ZNF563: variants seen among roughly 807,000 people sequenced by gnomAD.
ZNF563 encodes zinc finger protein 563.
In ZNF563, 39 loss-of-function variants were observed where a neutral mutation model predicts 48.5. The ratio of observed to expected loss-of-function variants is 0.80; its 90% CI spans 0.62 to 1.05. The LOEUF (loss-of-function observed/expected upper bound fraction) is 1.05. ZNF563 is among the 50% of genes least tolerant of loss of function. The pLI, the probability that ZNF563 is intolerant of heterozygous loss-of-function variation, is 0.00. For synonymous variants in ZNF563, 168 were observed against 187.9 expected (o/e 0.89, Z 0.87); for missense variants, 538 against 597.0 (o/e 0.90, Z 1.03).
chr19:12,332,059 G>A (rs1968931437), intron 1 of ZNF563, among the ~76,000 whole-genome samples: 1 of 152,254 alleles, frequency 6.6e-6, no homozygotes, highest in Non-Finnish European at 1.5e-5. Flanking sequence ...GGAAAAAAAT[G>A]ACAGTTAAAA....
chr19:12,333,508 G>A lies in ZNF563; in HGVS notation c.-26C>T. ...TTCCCGGCTTCCGGGATGTTCCAGGGTCCTCCCTCTGCCTCCCGCTGCCAG... is the reference window on the plus strand; with the variant it reads ...TTCCCGGCTTCCGGGATGTTCCAGGATCCTCCCTCTGCCTCCCGCTGCCAG... On this transcript the variant is annotated 5_prime_UTR_variant, in exon 1 of 4. Coordinates refer to ENST00000293725, the MANE Select transcript of ZNF563 (RefSeq NM_145276.3). 1 of 1,613,488 alleles carries A rather than the reference G, an allele frequency of 6.2e-7. No homozygotes were observed. The highest frequency in any genetic ancestry group is 8.5e-7 in the Non-Finnish European group (1 of 1,179,750).
At chr19:12,323,510 C>T (rs191704675) in intron 1 of ZNF563, among the ~76,000 whole-genome samples, 30 of 152,322 alleles carry the variant, frequency 2.0e-4, no homozygotes, top group Non-Finnish European at 2.5e-4. Context: ...TTAGGCACTC[C>T]GGCCCTTGCC....
chr19:12,343,823 C>T, the ZNF563 span, among the ~76,000 whole-genome samples: 391 of 150,608 alleles, frequency 2.6e-3, 2 homozygotes, highest in African/African-American at 9.2e-3. Context: ...CTCTGCCTCC[C>T]GGGTTCACGC....
the ZNF563 span, among the ~76,000 whole-genome samples, chr19:12,341,025 T>C: frequency 6.6e-6 from 1 of 151,942 alleles, no homozygotes; most frequent in Non-Finnish European, 1.5e-5. Flanking sequence ...TAAAAAGAAA[T>C]ACATGGACAA....
intron 1 of ZNF563, among the ~76,000 whole-genome samples, chr19:12,333,141 C>T (rs1425485625): frequency 1.3e-5 from 2 of 152,208 alleles, no homozygotes; most frequent in African/African-American, 2.4e-5. Flanking sequence ...CTCACAGGCA[C>T]GAACCCCACA....
intron 1 of ZNF563, among the ~76,000 whole-genome samples, chr19:12,333,079 C>T (rs1032310976): frequency 6.6e-6 from 1 of 152,144 alleles, no homozygotes; most frequent in African/African-American, 2.4e-5. Context: ...AGAGGGACAC[C>T]GGTCCCCTTT....
intron 1 of ZNF563, among the ~76,000 whole-genome samples, chr19:12,326,707 A>ATC (rs1968805969): frequency 6.6e-6 from 1 of 152,164 alleles, no homozygotes; most frequent in African/African-American, 2.4e-5. Flanking sequence ...GAAGCGGGAA[A>ATC]GGTCAGGGGA....
In ZNF563 at chr19:12,319,788, C is replaced by T. The variant is rs780654864; in HGVS notation, c.237G>A (p.Gln79=). 6.2e-7 allele frequency: 1 copy of T among 1,613,906 alleles called. No homozygotes were observed. The highest frequency in any genetic ancestry group is 8.5e-7 in the Non-Finnish European group (1 of 1,179,946). Residue 79 remains glutamine, a synonymous_variant, in exon 4 of 4, where the codon CAG becomes CAA. Transcript: ENST00000293725. ...GAATGAGGCTAAATGTTTCTCCACA[C>T]TGACTACTGTCTTTACTTTCACTGA... The part of the protein sequence containing the change: ...ERFSESKDSS[Q]CGETFSLIRD...
At chr19:12,346,880 A>G in the ZNF563 span, 3 of 152,232 alleles carry the variant, frequency 2.0e-5, no homozygotes, top group Non-Finnish European at 1.5e-5. Flanking sequence ...CTCTCTCTCT[A>G]TGAATAGTCA....
At chr19:12,327,374 C>T (rs528888452) in intron 1 of ZNF563, among the ~76,000 whole-genome samples, 2 of 150,086 alleles carry the variant, frequency 1.3e-5, no homozygotes, top group South Asian at 4.2e-4. Context: ...GCAGGAGAAT[C>T]GCTTGAACCC....
intron 1 of ZNF563, 33 bp from the exon 2 acceptor site, chr19:12,322,744 T>C (rs753164270): frequency 3.2e-6 from 5 of 1,554,688 alleles, no homozygotes; most frequent in Middle Eastern, 3.5e-4. Flanking sequence ...AGGAGAAAGG[T>C]TGAGTGACAG....
intron 1 of ZNF563, among the ~76,000 whole-genome samples, chr19:12,326,200 T>G (rs950394568): frequency 1.3e-5 from 2 of 151,930 alleles, no homozygotes; most frequent in African/African-American, 4.8e-5. Context: ...GAGGCAATGA[T>G]GAAGAAAAAA....
At chr19:12,337,808 T>G (rs1029667096), upstream of ZNF563, among the ~76,000 whole-genome samples, 3 of 152,098 alleles carry the variant, frequency 2.0e-5, no homozygotes, top group Admixed American at 2.0e-4. Context: ...AATATATTAG[T>G]GTAAAAACTC....
upstream of ZNF563, chr19:12,333,806 A>G (rs1968982286): frequency 4.5e-6 from 2 of 443,154 alleles, no homozygotes; most frequent in Admixed American, 3.9e-5. Flanking sequence ...AAGCGATCAC[A>G]CAGTGCTGAG....
At chr19:12,332,774 C>G (rs183345782) in intron 1 of ZNF563, among the ~76,000 whole-genome samples, 160 of 152,312 alleles carry the variant, frequency 1.1e-3, no homozygotes, top group Middle Eastern at 3.4e-3. Context: ...AAGTTCCATT[C>G]TATAAAATCA....
chr19:12,323,561 C>T (rs1384479202), intron 1 of ZNF563, among the ~76,000 whole-genome samples: 1 of 152,224 alleles, frequency 6.6e-6, no homozygotes, highest in East Asian at 1.9e-4. Context: ...GCAGAGTCCC[C>T]ACCAGCAAGA....
chr19:12,337,270 A>G (rs921623770), upstream of ZNF563, among the ~76,000 whole-genome samples: 4 of 151,888 alleles, frequency 2.6e-5, no homozygotes, highest in African/African-American at 7.3e-5. Context: ...TGGCACCATC[A>G]TGGCTCACTG....
At chr19:12,330,133 T>C (rs945332928) in intron 1 of ZNF563, among the ~76,000 whole-genome samples, 1 of 152,164 alleles carries the variant, frequency 6.6e-6, no homozygotes, top group Non-Finnish European at 1.5e-5. Flanking sequence ...TTGGCCAGGC[T>C]GGTCTTGAAC....
At chr19:12,338,539 G>T (rs1006172904), upstream of ZNF563, among the ~76,000 whole-genome samples, 1 of 152,062 alleles carries the variant, frequency 6.6e-6, no homozygotes, top group African/African-American at 2.4e-5. Flanking sequence ...CACCACACCC[G>T]GCTTGATGGA....
Sources: gnomAD v4.1 joint callset for allele counts (sites outside exome capture counted in the v4.1 genomes callset) on GRCh38, gnomAD v4.1.1 for gene constraint, MANE v1.5 for transcripts, NCBI Gene and HGNC (gene_info 2026-07-23, HGNC 2026-07-21) for gene names.